The following ANO10 variants were observed in gnomAD, a reference collection of about 807,000 sequenced individuals.
ANO10 encodes anoctamin 10.
In ANO10, 77 loss-of-function variants were observed where a neutral mutation model predicts 74.7. The ratio of observed to expected loss-of-function variants is 1.03; its 90% CI spans 0.86 to 1.25. The LOEUF (loss-of-function observed/expected upper bound fraction) is 1.25. Among genes scored for constraint, ANO10 ranks in the 50% most tolerant of loss-of-function variants. The probability of loss-of-function intolerance (pLI) is 0.00; values close to 1 mark genes in which losing one functional copy is unlikely to be tolerated. For missense variants in ANO10, 721 were observed against 778.1 expected (o/e 0.93, Z 0.87); for synonymous variants, 279 against 284.9 (o/e 0.98, Z 0.21).
In ANO10 at chr3:43,414,323, C is replaced by T. The variant is rs2092706861; in HGVS notation, c.1914+18288G>A. 2.0e-5 allele frequency among the ~76,000 whole-genome samples: 3 copies of T among 152,256 alleles called. 1 individual carries two copies. The South Asian group carries it at 6.2e-4, about 32-fold the overall frequency. On this transcript the variant is annotated intron_variant, in intron 12 of 12. Transcript: ENST00000292246. ...GAGAAAAGGAATAGTGACTGATACA[C>T]AGACAAGATACTATACTTGCAGCTC...
chr3:43,665,107 A>T (rs1396037107), intron 1 of ANO10, among the ~76,000 whole-genome samples: 1 of 152,238 alleles, frequency 6.6e-6, no homozygotes, highest in Admixed American at 6.5e-5. Context: ...TAACAATAGC[A>T]AAGACTTGGA....
intron 11 of ANO10, among the ~76,000 whole-genome samples, chr3:43,480,070 G>A (rs531691027): frequency 2.0e-5 from 3 of 152,306 alleles, no homozygotes; most frequent in Non-Finnish European, 4.4e-5. Context: ...CTAAAAGGAG[G>A]TGGGAACATT....
intron 1 of ANO10, among the ~76,000 whole-genome samples, chr3:43,685,126 A>C (rs1013354185): frequency 6.6e-6 from 1 of 152,238 alleles, no homozygotes; most frequent in Admixed American, 6.5e-5. Flanking sequence ...TAAGTCATCA[A>C]ATTTATTGGC....
At chr3:43,658,306 A>G (rs2083880107) in intron 1 of ANO10, among the ~76,000 whole-genome samples, 1 of 152,200 alleles carries the variant, frequency 6.6e-6, no homozygotes, top group Admixed American at 6.5e-5. Context: ...GTCACAGAGC[A>G]AATCATCGAA....
At chr3:43,662,531 C>T (rs749873983) in intron 1 of ANO10, among the ~76,000 whole-genome samples, 1 of 152,032 alleles carries the variant, frequency 6.6e-6, no homozygotes, top group Non-Finnish European at 1.5e-5. Flanking sequence ...AATTCAACAG[C>T]TAGCAGAAGA....
intron 1 of ANO10, among the ~76,000 whole-genome samples, chr3:43,662,920 A>G (rs1296841396): frequency 6.6e-6 from 1 of 152,232 alleles, no homozygotes; most frequent in Non-Finnish European, 1.5e-5. Flanking sequence ...AACCAAAAAA[A>G]GTTCAAGACC....
chr3:43,485,590 G>A (rs565548010), intron 11 of ANO10: 42 of 214,280 alleles, frequency 2.0e-4, no homozygotes, highest in South Asian at 1.7e-3. Context: ...GAAGCAGCCC[G>A]CCACCATCTT....
intron 10 of ANO10, among the ~76,000 whole-genome samples, chr3:43,552,697 G>GATATATAT (rs57438732): frequency 4.5e-4 from 56 of 124,482 alleles, no homozygotes; most frequent in Middle Eastern, 4.4e-3. Context: ...ATTATCTCTG[G>GATATATAT]ATATATATAT....
chr3:43,627,338 G>C (rs2083502260), intron 1 of ANO10, among the ~76,000 whole-genome samples: 1 of 152,262 alleles, frequency 6.6e-6, no homozygotes, highest in South Asian at 2.1e-4. Context: ...TGGACATCTT[G>C]GAGTGAACAA....
At chr3:43,485,958 A>T (rs1043856430) in intron 11 of ANO10, 3 of 231,196 alleles carry the variant, frequency 1.3e-5, no homozygotes, top group African/African-American at 7.2e-5. Context: ...TGAAGAAAAT[A>T]AAAATATTTT....
intron 1 of ANO10, among the ~76,000 whole-genome samples, chr3:43,609,676 A>G (rs1023947482): frequency 1.3e-5 from 2 of 152,240 alleles, no homozygotes; most frequent in Non-Finnish European, 2.9e-5. Flanking sequence ...CAGTATAGGT[A>G]TGTATAGGTT....
At chr3:43,375,272 CCT>C (rs1330141615) in intron 12 of ANO10, among the ~76,000 whole-genome samples, 1 of 151,652 alleles carries the variant, frequency 6.6e-6, no homozygotes, top group Non-Finnish European at 1.5e-5. Context: ...ATGGTGAAAC[CCT>C]GTCTCTACTA....
At chr3:43,467,997 G>C (rs1489817866) in intron 11 of ANO10, among the ~76,000 whole-genome samples, 1 of 152,174 alleles carries the variant, frequency 6.6e-6, no homozygotes, top group Non-Finnish European at 1.5e-5. Context: ...TCTTAGCATT[G>C]AGCATAAGTA....
intron 4 of ANO10, among the ~76,000 whole-genome samples, chr3:43,594,533 G>A (rs903219352): frequency 6.6e-6 from 1 of 152,088 alleles, no homozygotes; most frequent in Non-Finnish European, 1.5e-5. Flanking sequence ...ATGAAATGAA[G>A]GCAGAAACAA....
At chr3:43,485,254 G>C in intron 11 of ANO10, 1 of 629,276 alleles carries the variant, frequency 1.6e-6, no homozygotes, top group Non-Finnish European at 2.8e-6. Context: ...TGAGAGGCAG[G>C]ACTAGCTGCT....
At chr3:43,405,694 G>C (rs966496746) in intron 12 of ANO10, among the ~76,000 whole-genome samples, 2 of 152,008 alleles carry the variant, frequency 1.3e-5, no homozygotes, top group African/African-American at 4.8e-5. Context: ...GGCTACTCTT[G>C]AACTCCTGGG....
At chr3:43,551,466 A>AT (rs1288066714) in intron 10 of ANO10, 2 of 456,542 alleles carry the variant, frequency 4.4e-6, no homozygotes, top group Non-Finnish European at 8.8e-6. Flanking sequence ...TGATAGGTGT[A>AT]TTTACCTGTG....
rs181609434 is a variant in ANO10 at position 43,439,048 on chromosome 3, G to A, written c.1798-6321C>T. 4.0e-3 allele frequency among the ~76,000 whole-genome samples: 603 copies of A among 152,054 alleles called. 19 individuals carry two copies. Among genetic ancestry groups the A allele is most frequent in the Admixed American group, 0.038 (581 of 15,274 alleles). ...ATCCAAATTCAAGAAGCTGAAAGGT[G>A]ACTAAGATGAGCCCAAAGAGGCCTA... On this transcript the variant is annotated intron_variant, in intron 11 of 12. Transcript: ENST00000292246.
At chr3:43,419,943 A>C (rs554045381) in intron 12 of ANO10, among the ~76,000 whole-genome samples, 1 of 152,360 alleles carries the variant, frequency 6.6e-6, no homozygotes, top group South Asian at 2.1e-4. Context: ...TATTTAAAAG[A>C]GTTCTTAAAT....
Sources: allele counts gnomAD v4.1 joint callset (sites outside exome capture counted in the v4.1 genomes callset), GRCh38; gene constraint gnomAD v4.1.1; transcripts MANE v1.5; gene names NCBI Gene and HGNC (gene_info 2026-07-23, HGNC 2026-07-21).